The following EIF3H variants were observed in gnomAD, a reference collection of about 807,000 sequenced individuals.
EIF3H encodes eIF-3-gamma.
In EIF3H, 26 loss-of-function variants were observed where a neutral mutation model predicts 44.2. That is an observed-to-expected ratio of 0.59 (90% confidence interval 0.43 to 0.82). The LOEUF is 0.82. EIF3H is among the 40% of genes least tolerant of loss of function. The pLI, the probability that EIF3H is intolerant of heterozygous loss-of-function variation, is 0.00. For synonymous variants in EIF3H, 166 were observed against 151.9 expected (o/e 1.09, Z -0.68); for missense variants, 359 against 432.8 (o/e 0.83, Z 1.51).
At chr8:116,655,054 A>G (rs1476764953) in intron 5 of EIF3H, among the ~76,000 whole-genome samples, 1 of 151,916 alleles carries the variant, frequency 6.6e-6, no homozygotes, top group African/African-American at 2.4e-5. Context: ...CTGACCATTT[A>G]ATTTCATTCC....
In EIF3H at chr8:116,726,043, T is replaced by C. The variant is rs746959694; in HGVS notation, c.262A>G (p.Thr88Ala). Residue 88 changes from threonine (T) to alanine (A), a missense_variant, in exon 2 of 8, where the codon ACA (threonine) becomes GCA (alanine). This residue lies in a region of EIF3H where 91 missense variants were observed against 164.6 expected (regional missense o/e 0.55). Coordinates refer to ENST00000521861, the MANE Select transcript of EIF3H (RefSeq NM_003756.3). ...TCATCAAAGTCAGCATCATCCTCTG[T>C]GTGCTGAGGGAAAGGAAAGCAGTTG... Reference protein sequence around the residue: ...ITNCFPFPQHTEDDADFDEVQ... With the variant: ...ITNCFPFPQHAEDDADFDEVQ... 3.1e-6 allele frequency: 5 copies of C among 1,614,038 alleles called. No individual in the cohort carries two copies. The highest frequency in any genetic ancestry group is 4.2e-6 in the Non-Finnish European group (5 of 1,179,952).
chr8:116,688,298 T>C (rs547692668), intron 2 of EIF3H, among the ~76,000 whole-genome samples: 1 of 152,260 alleles, frequency 6.6e-6, no homozygotes, highest in African/African-American at 2.4e-5. Context: ...TATAGGACAA[T>C]TTCAGCATAC....
chr8:116,722,742 T>C (rs1392310895), intron 2 of EIF3H, among the ~76,000 whole-genome samples: 1 of 152,180 alleles, frequency 6.6e-6, no homozygotes, highest in Non-Finnish European at 1.5e-5. Context: ...AGGTCCTAAA[T>C]GATCATTTTT....
Position 116,703,831 on chromosome 8 carries a change from T to G in EIF3H, c.289+22185A>C, listed in dbSNP as rs577489978. ...CCCCAGGCCCAGCTGTCTTTTCTTC[T>G]GTCTCTTTGTCTTGTGTCTTTATTT... On this transcript the variant is annotated intron_variant, in intron 2 of 7. Coordinates refer to ENST00000521861, the MANE Select transcript of EIF3H (RefSeq NM_003756.3). 2.0e-4 allele frequency among the ~76,000 whole-genome samples: 30 copies of G among 152,336 alleles called. No homozygotes were observed. The South Asian group carries it at 2.9e-3, about 15-fold the overall frequency.
chr8:116,667,461 T>G (rs1205806771), intron 2 of EIF3H, among the ~76,000 whole-genome samples: 1 of 53,066 alleles, frequency 1.9e-5, no homozygotes, highest in Non-Finnish European at 4.3e-5. Flanking sequence ...TTGTACAACT[T>G]CACAAAAAAA....
intron 2 of EIF3H, among the ~76,000 whole-genome samples, chr8:116,722,845 T>A (rs2130921154): frequency 6.6e-6 from 1 of 152,332 alleles, no homozygotes; most frequent in African/African-American, 2.4e-5. Context: ...AAAATTAGGA[T>A]AATAATCTGT....
rs1813267912 is a variant in EIF3H at position 116,644,474 on chromosome 8, A to C, written c.*532T>G. The stretch of plus-strand genomic sequence containing the variant: ...TTGACCATCACCTGCAGAAATGAAA[A>C]GGCAGACTGACCGGAATTAGGCCAA... On this transcript the variant is annotated 3_prime_UTR_variant, in exon 8 of 8. Transcript: ENST00000521861. 1 of 153,314 alleles carries C rather than the reference A, an allele frequency of 6.5e-6. No homozygotes were observed. Among genetic ancestry groups the C allele is most frequent in the African/African-American group, 2.4e-5 (1 of 41,430 alleles). The allele number at this position is 153,314 out of a possible 1,614,324, so 9.5% of individuals were successfully genotyped here.
At chr8:116,665,331 T>C (rs964517571) in intron 2 of EIF3H, among the ~76,000 whole-genome samples, 22 of 152,192 alleles carry the variant, frequency 1.4e-4, no homozygotes, top group African/African-American at 5.1e-4. Flanking sequence ...TTGATAATTA[T>C]CACAAATACA....
chr8:116,677,468 T>C (rs948351919), intron 2 of EIF3H, among the ~76,000 whole-genome samples: 17 of 152,248 alleles, frequency 1.1e-4, no homozygotes, highest in African/African-American at 3.6e-4. Flanking sequence ...ATGTCCCCCA[T>C]GATTTAGCAT....
At chr8:116,673,375 T>C (rs892506520) in intron 2 of EIF3H, among the ~76,000 whole-genome samples, 8 of 152,232 alleles carry the variant, frequency 5.3e-5, no homozygotes, top group African/African-American at 1.9e-4. Context: ...AAGCTATTCA[T>C]ATCATACTGT....
At chr8:116,672,561 T>C (rs1321171534) in intron 2 of EIF3H, among the ~76,000 whole-genome samples, 3 of 151,984 alleles carry the variant, frequency 2.0e-5, no homozygotes, top group South Asian at 2.1e-4. Flanking sequence ...GTCCAGTAGT[T>C]TGAGGCTGCA....
chr8:116,737,966 C>T (rs148363089), intron 1 of EIF3H, among the ~76,000 whole-genome samples: 4,237 of 143,328 alleles, frequency 0.03, 190 homozygotes, highest in African/African-American at 0.11. Flanking sequence ...ACCCAGGAAG[C>T]GGAGGTTGCA....
chr8:116,751,745 A>C (rs2130989294), intron 1 of EIF3H, among the ~76,000 whole-genome samples: 1 of 152,340 alleles, frequency 6.6e-6, no homozygotes, highest in East Asian at 1.9e-4. Flanking sequence ...TACTACTATA[A>C]TTACTGCAAA....
intron 1 of EIF3H, among the ~76,000 whole-genome samples, chr8:116,752,564 T>C (rs1170926412): frequency 6.6e-6 from 1 of 151,530 alleles, no homozygotes; most frequent in African/African-American, 2.4e-5. Context: ...TCATGCTTAC[T>C]GCTGGAATAA....
At chr8:116,706,991 G>A (rs770198525) in intron 2 of EIF3H, among the ~76,000 whole-genome samples, 1 of 152,174 alleles carries the variant, frequency 6.6e-6, no homozygotes, top group Non-Finnish European at 1.5e-5. Flanking sequence ...TTATCGGGAC[G>A]TGACCCCATC....
intron 2 of EIF3H, among the ~76,000 whole-genome samples, chr8:116,673,574 G>A (rs1813792468): frequency 6.6e-6 from 1 of 152,124 alleles, no homozygotes; most frequent in African/African-American, 2.4e-5. Context: ...TATATGTTTA[G>A]CAAAGCATGT....
chr8:116,715,845 G>A (rs1814651784), intron 2 of EIF3H, among the ~76,000 whole-genome samples: 1 of 152,060 alleles, frequency 6.6e-6, no homozygotes, highest in Non-Finnish European at 1.5e-5. Flanking sequence ...GTTCTGCTAA[G>A]CTTGATAACA....
intron 2 of EIF3H, among the ~76,000 whole-genome samples, chr8:116,707,939 C>A (rs1814498211): frequency 6.6e-6 from 1 of 152,112 alleles, no homozygotes; most frequent in African/African-American, 2.4e-5. Flanking sequence ...ATGCCTTTGT[C>A]TGTTATATAA....
chr8:116,736,953 A>G (rs1815052253), intron 1 of EIF3H, among the ~76,000 whole-genome samples: 1 of 152,218 alleles, frequency 6.6e-6, no homozygotes, highest in South Asian at 2.1e-4. Flanking sequence ...AAGACAAAGT[A>G]TACTGCTTAG....
Sources: gnomAD v4.1 joint callset for allele counts (sites outside exome capture counted in the v4.1 genomes callset) on GRCh38, gnomAD v4.1.1 for gene constraint, gnomAD v4.1.1 regional missense constraint, MANE v1.5 for transcripts, NCBI Gene and HGNC (gene_info 2026-07-23, HGNC 2026-07-21) for gene names.